PIGN: variants seen among roughly 807,000 people sequenced by gnomAD.
PIGN encodes GPI ethanolamine phosphate transferase 1.
PIGN carries 117 observed loss-of-function variants against 125.4 expected under a neutral mutation model. That is an observed-to-expected ratio of 0.93 (90% CI 0.80 to 1.09). The LOEUF (loss-of-function observed/expected upper bound fraction) is 1.09, where lower values mean the gene tolerates loss of function less well. Among genes scored for constraint, PIGN ranks in the 50% least tolerant of loss-of-function variants. The probability of loss-of-function intolerance (pLI) is 0.00; values close to 1 mark genes in which losing one functional copy is unlikely to be tolerated. For synonymous variants in PIGN, 392 were observed against 377.8 expected, an observed-to-expected ratio of 1.04 and a Z score of -0.44; for missense variants, 1,075 against 1,094.9, an observed-to-expected ratio of 0.98 and a Z score of 0.26.
At chr18:62,101,001 C>A in intron 22 of PIGN, 74 bp downstream of exon 22, 7 of 778,118 alleles carry the variant, frequency 9.0e-6, no homozygotes, top group Non-Finnish European at 6.9e-6. Flanking sequence ...AACAATGATA[C>A]AGACATAAAC....
chr18:62,165,037 T>C (rs1253487925), intron 1 of PIGN, among the ~76,000 whole-genome samples: 1 of 152,162 alleles, frequency 6.6e-6, no homozygotes, highest in African/African-American at 2.4e-5. Context: ...AGGTGGAGCC[T>C]AGTGAGAGGT....
At chr18:62,098,669 T>C (rs1328303890) in intron 22 of PIGN, among the ~76,000 whole-genome samples, 6 of 152,306 alleles carry the variant, frequency 3.9e-5, no homozygotes, top group Admixed American at 1.3e-4. Context: ...GGTGTATCTG[T>C]GCCTAAAAGA....
chr18:62,139,333 G>A (rs962607625), intron 12 of PIGN, among the ~76,000 whole-genome samples: 2 of 152,310 alleles, frequency 1.3e-5, no homozygotes, highest in Non-Finnish European at 1.5e-5. Context: ...AGATAACTAC[G>A]TGCTAGGTAG....
intron 14 of PIGN, chr18:62,135,944 C>T (rs62097163): frequency 0.24 from 36,139 of 152,010 alleles, 4,547 homozygotes; most frequent in Middle Eastern, 0.37. Flanking sequence ...ATAATGTATT[C>T]CTTATTCACT....
At chr18:62,064,861 A>C (rs2032410062) in intron 30 of PIGN, among the ~76,000 whole-genome samples, 1 of 152,022 alleles carries the variant, frequency 6.6e-6, no homozygotes, top group African/African-American at 2.4e-5. Flanking sequence ...CCAGAGGGAG[A>C]GGAGAGAAGA....
chr18:62,181,172 C>T (rs564717701), intron 1 of PIGN, among the ~76,000 whole-genome samples: 4 of 152,080 alleles, frequency 2.6e-5, no homozygotes, highest in African/African-American at 9.6e-5. Context: ...TTGGCTTTTG[C>T]TATTTGTAAT....
chr18:62,162,784 C>T (rs2037001221), intron 2 of PIGN, among the ~76,000 whole-genome samples: 1 of 152,060 alleles, frequency 6.6e-6, no homozygotes, highest in South Asian at 2.1e-4. Flanking sequence ...ATCAACTTTC[C>T]ATTTTCTGAG....
chr18:62,148,242 T>C lies in PIGN; in HGVS notation c.646A>G (p.Asn216Asp), dbSNP rs926013149. The C allele has an allele frequency of 2.2e-5, 34 of 1,543,292 alleles. No individual in the cohort carries two copies. The highest frequency in any genetic ancestry group is 3.0e-5 in the Non-Finnish European group (34 of 1,143,044). ...FFLHLLGIDT[N>D]GHAHRPSSRD... ...GAGGATGGTCGATGAGCATGTCCGTTTGTATCTATTCCTAATAAATGTAAG... is the reference window on the plus strand; with the variant it reads ...GAGGATGGTCGATGAGCATGTCCGTCTGTATCTATTCCTAATAAATGTAAG... Residue 216 changes from asparagine to aspartate, a missense_variant, in exon 8 of 31, where the codon AAC becomes GAC. By Grantham distance (23) the Asn-to-Asp change is conservative. Around this residue, in one of 3 missense-constraint regions of PIGN, gnomAD observed 915 missense variants for 908.7 expected, o/e 1.01. Coordinates refer to ENST00000640252, the MANE Select transcript of PIGN (RefSeq NM_176787.5).
chr18:62,019,976 ACAGT>A (rs1214627097), intron 23 of PIGN, among the ~76,000 whole-genome samples: 3 of 152,210 alleles, frequency 2.0e-5, no homozygotes, highest in Non-Finnish European at 4.4e-5. Context: ...GATTATGGAG[ACAGT>A]CAGAATGTGC....
intron 14 of PIGN, among the ~76,000 whole-genome samples, chr18:62,134,184 G>A (rs539693269): frequency 1.3e-5 from 2 of 152,146 alleles, no homozygotes; most frequent in African/African-American, 4.8e-5. Flanking sequence ...CACGAGGTCA[G>A]GAGTTCGAGA....
At position 62,147,379 on chromosome 18, in the gene PIGN, T is replaced by A. The variant is rs80259438; in HGVS notation, c.675-278A>T. Among the ~76,000 whole-genome samples the A allele has an allele frequency of 0.041, 6,300 of 152,284 alleles. 432 individuals carry two copies. Among genetic ancestry groups the A allele is most frequent in the African/African-American group, 0.14 (5,941 of 41,540 alleles). ...CTTTTTAGGTCCTAAATGAGATAGA[T>A]GACGTTCATGTCTCTCACTCTTACT... On this transcript the variant is annotated intron_variant, in intron 8 of 30. Coordinates refer to ENST00000640252, the MANE Select transcript of PIGN (RefSeq NM_176787.5).
chr18:62,032,331 C>T (rs2030203980), intron 23 of PIGN, among the ~76,000 whole-genome samples: 1 of 152,210 alleles, frequency 6.6e-6, no homozygotes, highest in Admixed American at 6.5e-5. Context: ...TTACTTCCAT[C>T]CTTTAATGCT....
At chr18:62,021,980 G>A (rs1271355938) in intron 23 of PIGN, among the ~76,000 whole-genome samples, 1 of 152,090 alleles carries the variant, frequency 6.6e-6, no homozygotes, top group African/African-American at 2.4e-5. Flanking sequence ...ATTAGTAGTA[G>A]CTATTATTAT....
At chr18:62,051,568 T>G (rs1276065946) in intron 30 of PIGN, among the ~76,000 whole-genome samples, 1 of 152,218 alleles carries the variant, frequency 6.6e-6, no homozygotes, top group Non-Finnish European at 1.5e-5. Context: ...CATTTTTTAT[T>G]GCGTCTATTT....
intron 16 of PIGN, among the ~76,000 whole-genome samples, chr18:62,112,358 A>G (rs1322996695): frequency 6.6e-6 from 1 of 152,208 alleles, no homozygotes; most frequent in Non-Finnish European, 1.5e-5. Flanking sequence ...CCACCAGGAT[A>G]TATTACTTTT....
chr18:62,132,571 G>A (rs1354765966), intron 14 of PIGN, among the ~76,000 whole-genome samples: 1 of 152,012 alleles, frequency 6.6e-6, no homozygotes, highest in Non-Finnish European at 1.5e-5. Flanking sequence ...GTCAGGCACA[G>A]TAGCTCACAC....
intron 23 of PIGN, among the ~76,000 whole-genome samples, chr18:62,035,773 G>A (rs1000789317): frequency 5.9e-5 from 9 of 151,548 alleles, no homozygotes; most frequent in Non-Finnish European, 1.0e-4. Flanking sequence ...GAGAACATGC[G>A]GTGTTTGAAA....
chr18:62,039,194 T>G (rs2030301455), downstream of PIGN, among the ~76,000 whole-genome samples: 1 of 152,008 alleles, frequency 6.6e-6, no homozygotes, highest in Admixed American at 6.6e-5. Flanking sequence ...TTTAAAAACA[T>G]AAAATTACAA....
intron 25 of PIGN, 144 bp downstream of exon 25, chr18:62,088,612 T>A: frequency 1.8e-6 from 1 of 558,556 alleles, no homozygotes; most frequent in Non-Finnish European, 3.2e-6. Flanking sequence ...ATTTTTAATG[T>A]GAATTACATG....
Sources: gnomAD v4.1 joint callset for allele counts (sites outside exome capture counted in the v4.1 genomes callset) on GRCh38, gnomAD v4.1.1 for gene constraint, gnomAD v4.1.1 regional missense constraint, MANE v1.5 for transcripts, NCBI Gene and HGNC (gene_info 2026-07-23, HGNC 2026-07-21) for gene names.